The following ST14 variants were observed in gnomAD, a reference collection of about 807,000 sequenced individuals.
The protein encoded by ST14 is ST14 transmembrane serine protease matriptase, also known as suppressor of tumorigenicity 14 protein.
In ST14, 40 loss-of-function variants were observed where a neutral mutation model predicts 96.5. That is an observed-to-expected ratio of 0.41 (90% confidence interval 0.32 to 0.54). ST14 has a LOEUF of 0.54. Ranked by LOEUF, ST14 falls within the 20% of genes least tolerant of loss-of-function variation. The pLI is 0.17. For synonymous variants in ST14, 506 were observed against 492.1 expected (o/e 1.03, Z -0.37); for missense variants, 1,066 against 1,188.9 (o/e 0.90, Z 1.52).
intron 8 of ST14, 36 bp from the exon 9 acceptor site, chr11:130,194,604 C>T (rs762235756): frequency 6.2e-7 from 1 of 1,608,992 alleles, no homozygotes; most frequent in Non-Finnish European, 8.5e-7. Context: ...CGGGCAGGTT[C>T]CTGATCCTCT....
At chr11:130,209,633 G>A in intron 18 of ST14, 29 bp from the exon 19 acceptor site, 1 of 1,584,252 alleles carries the variant, frequency 6.3e-7, no homozygotes, top group Non-Finnish European at 8.6e-7. Context: ...CGGGACTGGG[G>A]ACTCACGGCA....
rs751734309 is a variant in ST14 at position 130,196,386 on chromosome 11, G to T, written c.1161G>T (p.Leu387=). The change falls in exon 10 of 19, where the codon CTG becomes CTT. Residue 387 remains leucine, a synonymous_variant. Transcript: ENST00000278742. The stretch of plus-strand genomic sequence containing the variant: ...AGGTGCGCTTCAAATTCTTCTACCT[G>T]CTGGAGCCCGGCGTGCCTGCGGGCA... ...HVKVRFKFFY[L]LEPGVPAGTC... The T allele has an allele frequency of 6.8e-6, 11 of 1,609,070 alleles. No homozygotes were observed. In the South Asian group the frequency reaches 7.8e-5, roughly 11 times the overall value.
rs1366715491 is a variant in ST14, at chr11:130,194,655, T to A, written c.1031T>A (p.Leu344Ter). Residue 344 changes from leucine (L) to a stop codon, truncating the protein, a stop_gained, in exon 9 of 19, where the codon TTA (leucine) becomes TAA (stop). Coordinates refer to ENST00000278742, the MANE Select transcript of ST14 (RefSeq NM_021978.4). LOFTEE classifies it high-confidence loss of function. ...TCCCTCTCAGGCTGTGGAGGCCGCT[T>A]ACGTAAAGCCCAGGGGACATTCAAC... ...LPRMSSCGGR[L>*]RKAQGTFNSP... The A allele has an allele frequency of 6.2e-7, 1 of 1,614,154 alleles. No homozygotes were observed. The highest frequency in any genetic ancestry group is 1.7e-5 in the Admixed American group (1 of 60,022).
chr11:130,163,456 C>T lies in ST14; in HGVS notation c.81+3396C>T, dbSNP rs367800899. Among the ~76,000 whole-genome samples the T allele has an allele frequency of 8.5e-5, 13 of 152,208 alleles. No individual in the cohort carries two copies. The East Asian group carries it at 1.4e-3, about 16-fold the overall frequency. On this transcript the variant is annotated intron_variant, in intron 1 of 18. Coordinates refer to ENST00000278742, the MANE Select transcript of ST14 (RefSeq NM_021978.4). ...AGACATGGGGGTCTTGCTATGTTGC[C>T]CAGGCTGGACTCAAACTCTTGGGCC... is the stretch of plus-strand genomic sequence containing the variant.
chr11:130,190,145 G>A lies in ST14; in HGVS notation c.631G>A (p.Asp211Asn). 1.9e-6 allele frequency: 3 copies of A among 1,614,220 alleles called. No individual in the cohort carries two copies. Among genetic ancestry groups the A allele is most frequent in the Non-Finnish European group, 2.5e-6 (3 of 1,180,030 alleles). Residue 211 changes from aspartate to asparagine, a missense_variant, in exon 6 of 19, where the codon GAC (aspartate) becomes AAC (asparagine). By Grantham distance (23) the Asp-to-Asn change is conservative (BLOSUM62 1). Coordinates refer to ENST00000278742, the MANE Select transcript of ST14 (RefSeq NM_021978.4). Reference protein sequence around the residue: ...TDSKTVQRTQDNSCSFGLHAR... With the variant: ...TDSKTVQRTQNNSCSFGLHAR... ...CTCCAAAACAGTACAGAGGACCCAG[G>A]ACAGTAAGTATCGTGCCCGCCTCCT...
chr11:130,191,855 A>C (rs1953306620), intron 7 of ST14, among the ~76,000 whole-genome samples: 1 of 152,178 alleles, frequency 6.6e-6, no homozygotes, highest in African/African-American at 2.4e-5. Context: ...TGGTTAGGGC[A>C]AAGAATAGTG....
In ST14 at chr11:130,210,125, A is replaced by T. The variant is rs945559017; in HGVS notation, c.*302A>T. The T allele has an allele frequency of 5.5e-6, 2 of 361,988 alleles. No homozygotes were observed. The highest frequency in any genetic ancestry group is 1.0e-5 in the Non-Finnish European group (2 of 194,728). The allele number at this position is 361,988 out of a possible 1,614,324, so 22.4% of individuals were successfully genotyped here. A position where few individuals can be genotyped will look rare whatever the true frequency, so the allele number is the denominator to read the frequency against. ...GCTGGGCCGAGGCGCGTTTGTGCAT[A>T]TCTGCCTCCCCTGTCTCTAAGGAGC... On this transcript the variant is annotated 3_prime_UTR_variant, in exon 19 of 19. Coordinates refer to ENST00000278742, the MANE Select transcript of ST14 (RefSeq NM_021978.4).
intron 1 of ST14, among the ~76,000 whole-genome samples, chr11:130,179,530 T>G (rs961982384): frequency 1.3e-5 from 2 of 152,158 alleles, no homozygotes; most frequent in Admixed American, 6.5e-5. Flanking sequence ...TGGACTGCCA[T>G]GGTGGCAGGT....
chr11:130,182,058 C>T (rs1451344011), intron 1 of ST14, among the ~76,000 whole-genome samples: 1 of 152,210 alleles, frequency 6.6e-6, no homozygotes, highest in Non-Finnish European at 1.5e-5. Context: ...AATTCTGGAA[C>T]CTAACCACAC....
intron 1 of ST14, among the ~76,000 whole-genome samples, chr11:130,183,416 T>C (rs1160539548): frequency 4.6e-5 from 7 of 152,176 alleles, no homozygotes; most frequent in Middle Eastern, 3.4e-3. Flanking sequence ...AACATAAAAA[T>C]GTCTAGTTGC....
chr11:130,159,946 A>G lies in ST14; in HGVS notation c.-34A>G. 7.9e-7 allele frequency: 1 copy of G among 1,265,794 alleles called. No individual in the cohort carries two copies. Among genetic ancestry groups the G allele is most frequent in the Non-Finnish European group, 1.0e-6 (1 of 990,610 alleles). The allele number at this position is 1,265,794 out of a possible 1,614,324, so 78.4% of individuals were successfully genotyped here. A position where few individuals can be genotyped will look rare whatever the true frequency, so the allele number is the denominator to read the frequency against. ...TGGGAGCCGGCCGCCGGCAGGGACGACGCCTGTGAGACCCGCGAGCGGCCT... is the reference window on the plus strand; with the variant it reads ...TGGGAGCCGGCCGCCGGCAGGGACGGCGCCTGTGAGACCCGCGAGCGGCCT... On this transcript the variant is annotated 5_prime_UTR_variant, in exon 1 of 19. Transcript: ENST00000278742.
chr11:130,172,802 C>T (rs576814161), intron 1 of ST14, among the ~76,000 whole-genome samples: 4 of 152,188 alleles, frequency 2.6e-5, no homozygotes, highest in East Asian at 1.9e-4. Flanking sequence ...GGCTGGATGC[C>T]GTGTTTATTT....
chr11:130,176,482 G>C (rs985935961), intron 1 of ST14, among the ~76,000 whole-genome samples: 14 of 151,240 alleles, frequency 9.3e-5, no homozygotes, highest in Non-Finnish European at 1.6e-4. Flanking sequence ...TCCACTTCCC[G>C]GGTTCACACC....
Position 130,190,708 on chromosome 11 carries a change from G to A in ST14, c.875+14G>A. 1.3e-6 allele frequency: 2 copies of A among 1,558,190 alleles called. No homozygotes were observed. Among genetic ancestry groups the A allele is most frequent in the South Asian group, 2.4e-5 (2 of 84,774 alleles). Reference sequence around the variant, plus strand: ...CGCCCTGGTGCAGTGAGTACCCCGGGGGGCGGGTAGGGCTGTGGGAGCTTG... The same window carrying A: ...CGCCCTGGTGCAGTGAGTACCCCGGAGGGCGGGTAGGGCTGTGGGAGCTTG... On this transcript the variant is annotated intron_variant, in intron 7 of 18. Transcript: ENST00000278742.
chr11:130,195,897 C>T (rs1953357055), intron 9 of ST14, among the ~76,000 whole-genome samples: 1 of 149,012 alleles, frequency 6.7e-6, no homozygotes, highest in South Asian at 2.1e-4. Flanking sequence ...TGGCTCGTGC[C>T]TGTAATCCCA....
chr11:130,188,520 T>C lies in ST14; in HGVS notation c.242-10T>C. 1 of 1,613,366 alleles carries C rather than the reference T, an allele frequency of 6.2e-7. No homozygotes were observed. The highest frequency in any genetic ancestry group is 8.5e-7 in the Non-Finnish European group (1 of 1,179,954). On this transcript the variant is annotated splice_polypyrimidine_tract_variant and intron_variant, in intron 2 of 18. Coordinates refer to ENST00000278742, the MANE Select transcript of ST14 (RefSeq NM_021978.4). This position sits in a 1 kb window ranked among gnomAD's most constrained non-coding sequence, Gnocchi z 5.4. ...CCTCCCCTGACTGAGCGCCTTCTGG[T>C]CTCACACAGACCGGGACGTGCGTGT... is the stretch of plus-strand genomic sequence containing the variant.
In ST14 at chr11:130,189,904, C is replaced by T. The variant is rs769458842; in HGVS notation, c.598+8C>T. On this transcript the variant is annotated splice_region_variant and intron_variant, in intron 5 of 18. Transcript: ENST00000278742. ...CCTCAGTGGTGGCTTTCCGTGAGTC[C>T]GAGGGCCAGGGGTGGGCGTGGGACT... 6 of 1,613,408 alleles carry T rather than the reference C, an allele frequency of 3.7e-6. No individual in the cohort carries two copies. Among genetic ancestry groups the T allele is most frequent in the East Asian group, 2.2e-5 (1 of 44,858 alleles).
chr11:130,170,632 G>A (rs536924902), intron 1 of ST14, among the ~76,000 whole-genome samples: 1 of 151,834 alleles, frequency 6.6e-6, no homozygotes, highest in South Asian at 2.1e-4. Flanking sequence ...CAGCCATTCC[G>A]AGCAGGCAGA....
At chr11:130,160,471 CAG>C (rs1261013913) in intron 1 of ST14, among the ~76,000 whole-genome samples, 1 of 152,140 alleles carries the variant, frequency 6.6e-6, no homozygotes, top group African/African-American at 2.4e-5. Context: ...TTGGCCTCTG[CAG>C]AAAGTTTCTT....
Sources: gnomAD v4.1 joint callset for allele counts (sites outside exome capture counted in the v4.1 genomes callset) on GRCh38, gnomAD v4.1.1 for gene constraint, Gnocchi (gnomAD v3.1) non-coding constraint, MANE v1.5 for transcripts, NCBI Gene and HGNC (gene_info 2026-07-23, HGNC 2026-07-21) for gene names.